The following DYNC2H1 variants were observed in gnomAD, a reference collection of about 807,000 sequenced individuals.
DYNC2H1 encodes the protein cytoplasmic dynein 2 heavy chain 1.
Under a neutral mutation model 570.0 loss-of-function variants are expected in DYNC2H1, and 410 were observed. The observed-to-expected ratio is 0.72, with a 90% CI of 0.66 to 0.78. The LOEUF is 0.78. Among genes scored for constraint, DYNC2H1 ranks in the 30% least tolerant of loss-of-function variants. DYNC2H1 has a pLI of 0.00. For missense variants in DYNC2H1, 4,865 were observed against 5,046.4 expected (o/e 0.96, Z 1.09); for synonymous variants, 1,688 against 1,677.6 (o/e 1.01, Z -0.15).
At chr11:103,466,175 T>C (rs1945189140) in intron 87 of DYNC2H1, among the ~76,000 whole-genome samples, 1 of 152,170 alleles carries the variant, frequency 6.6e-6, no homozygotes, top group African/African-American at 2.4e-5. Context: ...TGGAGTTGGT[T>C]ACAAATTAGG....
At chr11:103,190,155 C>T (rs931933091) in intron 45 of DYNC2H1, among the ~76,000 whole-genome samples, 1 of 152,178 alleles carries the variant, frequency 6.6e-6, no homozygotes, top group African/African-American at 2.4e-5. Flanking sequence ...GTCTTCCAGG[C>T]TTCAAACCTG....
In DYNC2H1 at chr11:103,372,678, T is replaced by C. The variant is rs1385678108; in HGVS notation, c.12156+14319T>C. Among the ~76,000 whole-genome samples the C allele has an allele frequency of 3.9e-5, 6 of 152,170 alleles. No individual in the cohort carries two copies. The East Asian group carries it at 9.6e-4, about 24-fold the overall frequency. On this transcript the variant is annotated intron_variant, in intron 83 of 88. Coordinates refer to ENST00000375735, the MANE Select transcript of DYNC2H1 (RefSeq NM_001377.3). ...TCTATGTTTCAGGGATATTGGCCTG[T>C]AGTTTGCTTTTTCTTTGCTGTGTTT...
At chr11:103,304,236 G>A (rs1867175870) in intron 76 of DYNC2H1, among the ~76,000 whole-genome samples, 1 of 152,162 alleles carries the variant, frequency 6.6e-6, no homozygotes, top group Non-Finnish European at 1.5e-5. Context: ...TAGCAGCGCT[G>A]TTAGGCTCAG....
intron 82 of DYNC2H1, among the ~76,000 whole-genome samples, chr11:103,353,083 T>C (rs1940130715): frequency 6.6e-6 from 1 of 151,990 alleles, no homozygotes; most frequent in Admixed American, 6.6e-5. Flanking sequence ...CCTTCATAAG[T>C]GGGAGTTGAT....
intron 82 of DYNC2H1, among the ~76,000 whole-genome samples, chr11:103,353,578 A>C (rs1375375403): frequency 6.6e-6 from 1 of 152,158 alleles, no homozygotes; most frequent in Non-Finnish European, 1.5e-5. Flanking sequence ...AAGTATCTAT[A>C]TATCTATATA....
Position 103,325,109 on chromosome 11 carries a change from T to A in DYNC2H1, c.12039+1119T>A, listed in dbSNP as rs1045918969. On this transcript the variant is annotated intron_variant, in intron 82 of 88. Transcript: ENST00000375735. The surrounding 1 kb of genome is among the most constrained non-coding windows in gnomAD (Gnocchi z 4.8). ...TTAAGTTCCTTATAGATTCTGGACA[T>A]TGGACCTTTGTTGAGTACTTAGTTT... 6.6e-6 allele frequency among the ~76,000 whole-genome samples: 1 copy of A among 152,252 alleles called. No homozygotes were observed. Among genetic ancestry groups the A allele is most frequent in the African/African-American group, 2.4e-5 (1 of 41,472 alleles).
At chr11:103,287,022 A>T (rs997719177) in intron 74 of DYNC2H1, among the ~76,000 whole-genome samples, 5 of 152,358 alleles carry the variant, frequency 3.3e-5, no homozygotes, top group African/African-American at 1.2e-4. Context: ...ATGAATCAGT[A>T]GTCCCAGCTA....
chr11:103,114,703 C>T (rs1858290048), intron 3 of DYNC2H1, among the ~76,000 whole-genome samples: 1 of 152,160 alleles, frequency 6.6e-6, no homozygotes, highest in African/African-American at 2.4e-5. Flanking sequence ...AGCCCCTGGT[C>T]ATAACATCTC....
rs1314938048 is a variant in DYNC2H1 at position 103,254,335 on chromosome 11, C to G, written c.10206+887C>G. ...CAAAAAAGGAGCTATGTAGGTCTTA[C>G]TTAGCAAGAACTAAATGAAGATGCT... On this transcript the variant is annotated intron_variant, in intron 66 of 88. Transcript: ENST00000375735. This position sits in a 1 kb window ranked among gnomAD's most constrained non-coding sequence, Gnocchi z 4.9. Among the ~76,000 whole-genome samples the G allele has an allele frequency of 6.6e-6, 1 of 152,192 alleles. No individual in the cohort carries two copies. The highest frequency in any genetic ancestry group is 1.5e-5 in the Non-Finnish European group (1 of 68,034).
Position 103,243,834 on chromosome 11 carries a change from C to T in DYNC2H1, c.9918+43C>T. ...TTTACATACCAATTAGGAATGACCT[C>T]TTATAGTGAAAAGATCTTGGAGTCT... is the stretch of plus-strand genomic sequence containing the variant. On this transcript the variant is annotated intron_variant, in intron 64 of 88. Coordinates refer to ENST00000375735, the MANE Select transcript of DYNC2H1 (RefSeq NM_001377.3). The surrounding 1 kb of genome is among the most constrained non-coding windows in gnomAD (Gnocchi z 4.8). 7.0e-7 allele frequency: 1 copy of T among 1,430,442 alleles called. No homozygotes were observed. The highest frequency in any genetic ancestry group is 9.6e-7 in the Non-Finnish European group (1 of 1,046,348). The allele number at this position is 1,430,442 out of a possible 1,614,324, so 88.6% of individuals were successfully genotyped here. A position where few individuals can be genotyped will look rare whatever the true frequency, so the allele number is the denominator to read the frequency against.
rs143191383 is a variant in DYNC2H1 at position 103,470,134 on chromosome 11, C to T, written c.12765+1429C>T. 2.6e-5 allele frequency among the ~76,000 whole-genome samples: 4 copies of T among 152,222 alleles called. No individual in the cohort carries two copies. In the East Asian group the frequency reaches 5.8e-4, roughly 22 times the overall value. ...AGACAATGACCTGGAGCCATACCCA[C>T]GTACTGAACGCAAATCAGGAATGCA... is the stretch of plus-strand genomic sequence containing the variant. On this transcript the variant is annotated intron_variant, in intron 88 of 88. Transcript: ENST00000375735.
Position 103,115,296 on chromosome 11 carries a change from G to GTATGTGAT in DYNC2H1, c.621+3_621+10dup. On this transcript the variant is annotated splice_donor_variant, in intron 4 of 88. Transcript: ENST00000375735. LOFTEE classifies it high-confidence loss of function. ...AGAATTATTTGAAACAATTGCAAGA[G>GTATGTGAT]TATGTGATTCATAAATGGTGATATA... is the stretch of plus-strand genomic sequence containing the variant. 6.4e-7 allele frequency: 1 copy of GTATGTGAT among 1,558,208 alleles called. No homozygotes were observed. Among genetic ancestry groups the GTATGTGAT allele is most frequent in the Non-Finnish European group, 8.7e-7 (1 of 1,147,150 alleles).
chr11:103,124,743 A>AT (rs1487028748), intron 11 of DYNC2H1, among the ~76,000 whole-genome samples: 5 of 152,244 alleles, frequency 3.3e-5, no homozygotes, highest in East Asian at 1.9e-4. Context: ...AAGTACACTG[A>AT]TTTTTTTAAA....
intron 84 of DYNC2H1, chr11:103,404,975 T>C (rs1459911486): frequency 6.6e-6 from 1 of 151,978 alleles, no homozygotes; most frequent in Non-Finnish European, 1.5e-5. Flanking sequence ...ACTGTAAATA[T>C]ATGGTGAGCT....
intron 84 of DYNC2H1, among the ~76,000 whole-genome samples, chr11:103,431,592 C>T (rs934344401): frequency 1.3e-5 from 2 of 152,136 alleles, no homozygotes; most frequent in Admixed American, 6.6e-5. Context: ...TAACTAGGCT[C>T]AAAGACATCT....
At chr11:103,470,029 G>T (rs1464615599) in intron 88 of DYNC2H1, among the ~76,000 whole-genome samples, 1 of 152,002 alleles carries the variant, frequency 6.6e-6, no homozygotes, top group African/African-American at 2.4e-5. Flanking sequence ...AAAAAGTAGG[G>T]CAAGTATAAA....
chr11:103,164,800 A>G (rs1861233559), intron 30 of DYNC2H1, among the ~76,000 whole-genome samples: 1 of 152,232 alleles, frequency 6.6e-6, no homozygotes. Flanking sequence ...ACTGTAACTT[A>G]ACTCTAACTT....
At chr11:103,118,256 T>C (rs1443958577) in intron 6 of DYNC2H1, among the ~76,000 whole-genome samples, 1 of 152,030 alleles carries the variant, frequency 6.6e-6, no homozygotes, top group South Asian at 2.1e-4. Flanking sequence ...GAACATATAT[T>C]CAGCTTACAG....
intron 31 of DYNC2H1, among the ~76,000 whole-genome samples, chr11:103,168,499 C>T (rs566907042): frequency 6.6e-6 from 1 of 152,314 alleles, no homozygotes; most frequent in East Asian, 1.9e-4. Context: ...AGTCTGCTTA[C>T]TCCCTTGAAT....
Sources: allele counts gnomAD v4.1 joint callset (sites outside exome capture counted in the v4.1 genomes callset), GRCh38; gene constraint gnomAD v4.1.1; non-coding constraint Gnocchi (gnomAD v3.1); transcripts MANE v1.5; gene names NCBI Gene and HGNC (gene_info 2026-07-23, HGNC 2026-07-21).